Variants in PCDH19 observed in about 807,000 individuals in gnomAD.
The protein encoded by PCDH19 is protocadherin-19.
Under a neutral mutation model 46.2 loss-of-function variants are expected in PCDH19, and 6 were observed. The observed-to-expected ratio is 0.13, with a 90% CI of 0.07 to 0.26. The LOEUF is 0.26. Ranked by LOEUF, PCDH19 falls within the 10% of genes least tolerant of loss-of-function variation. The probability of loss-of-function intolerance (pLI) is 1.00; values close to 1 mark genes in which losing one functional copy is unlikely to be tolerated. For synonymous variants in PCDH19, 481 were observed against 415.7 expected (o/e 1.16, Z -1.91); for missense variants, 740 against 972.3 (o/e 0.76, Z 3.18).
chrX:100,377,468 T>C (rs747716818), intron 3 of PCDH19, among the ~76,000 whole-genome samples: 1 of 112,133 alleles, frequency 8.9e-6, no homozygotes, highest in East Asian at 2.8e-4. Context: ...CCCCAGTAGA[T>C]TGTAAACTCT....
chrX:100,357,669 C>T (rs1926755824), intron 3 of PCDH19, among the ~76,000 whole-genome samples: 1 of 112,124 alleles, frequency 8.9e-6, no homozygotes, highest in African/African-American at 3.2e-5. Context: ...TCCCTCATTT[C>T]TAATATATCT....
At chrX:100,387,045 ATC>A (rs1257166488) in intron 3 of PCDH19, among the ~76,000 whole-genome samples, 28 of 111,649 alleles carry the variant, frequency 2.5e-4, no homozygotes, top group African/African-American at 9.1e-4. Context: ...AGAGTGAAGC[ATC>A]TGTGTGAGTT....
intron 3 of PCDH19, among the ~76,000 whole-genome samples, chrX:100,376,962 CT>C (rs993920574): frequency 8.9e-6 from 1 of 112,343 alleles, no homozygotes. Flanking sequence ...CTTTGTATTA[CT>C]TTTGGTTCCC....
intron 3 of PCDH19, among the ~76,000 whole-genome samples, chrX:100,354,328 A>C (rs1269167666): frequency 1.8e-5 from 2 of 112,175 alleles, no homozygotes; most frequent in East Asian, 5.6e-4. Flanking sequence ...AGTGGTTCTC[A>C]GCCCTAACTA....
chrX:100,336,236 T>C (rs188778047), intron 5 of PCDH19, among the ~76,000 whole-genome samples: 13 of 112,161 alleles, frequency 1.2e-4, no homozygotes, highest in South Asian at 3.7e-4. Flanking sequence ...AAGAGACTAA[T>C]TGAAATGAGT....
chrX:100,310,532 T>C (rs977983679), intron 5 of PCDH19, among the ~76,000 whole-genome samples: 1 of 110,918 alleles, frequency 9.0e-6, no homozygotes, highest in Non-Finnish European at 1.9e-5. Context: ...TTATAAACCA[T>C]TTGAAAAAGC....
chrX:100,321,792 TTTTTTTTTTTTTTC>T (rs1303319872), intron 5 of PCDH19, among the ~76,000 whole-genome samples: 1 of 17,282 alleles, frequency 5.8e-5, no homozygotes, highest in Non-Finnish European at 1.8e-4. Flanking sequence ...TTTTTTTTTT[TTTTTTTTTTTTTTC>T]TGAGACAGAG....
rs1569315006 is a variant in PCDH19 at position 100,407,450 on chromosome X, C to T, written c.1148G>A (p.Arg383His). 4.1e-6 allele frequency: 5 copies of T among 1,212,079 alleles called. No individual in the cohort carries two copies. The highest frequency in any genetic ancestry group is 5.6e-6 in the Non-Finnish European group (5 of 895,651). The change falls in exon 1 of 6, where the codon CGT becomes CAT. Residue 383 changes from arginine to histidine, a missense_variant. Physicochemically the swap from Arg to His is conservative, Grantham distance 29. This residue lies in a region of PCDH19 where 186 missense variants were observed against 319.9 expected (regional missense o/e 0.58). Transcript: ENST00000373034. ...ATTGCCCAGCAAACGGCACTGCACA[C>T]GTCCATTGAGGCCTGAGTCGCGATC... ...VSDRDSGLNG[R>H]VQCRLLGNVP...
intron 5 of PCDH19, among the ~76,000 whole-genome samples, chrX:100,322,378 T>A (rs1925519835): frequency 9.0e-6 from 1 of 111,061 alleles, no homozygotes; most frequent in South Asian, 3.9e-4. Context: ...AGTTGGCTGT[T>A]AAGTATTTGG....
In PCDH19 at chrX:100,403,878, C is replaced by A. The variant is rs1479949194; in HGVS notation, c.2148-214G>T. 1.2e-4 allele frequency among the ~76,000 whole-genome samples: 13 copies of A among 112,452 alleles called. No individual in the cohort carries two copies. The Admixed American group carries it at 1.2e-3, about 11-fold the overall frequency. ...ATTCTCAAAGTCATTTATTACTTTG[C>A]ACATAATGATTCAGTTTCTTTTTTG... On this transcript the variant is annotated intron_variant, in intron 1 of 5. Transcript: ENST00000373034.
At chrX:100,333,246 A>G (rs1230787841) in intron 5 of PCDH19, among the ~76,000 whole-genome samples, 7 of 106,710 alleles carry the variant, frequency 6.6e-5, no homozygotes, top group African/African-American at 1.7e-4. Flanking sequence ...AGAAAGAAAG[A>G]AAGGGAAAGT....
chrX:100,343,133 G>A (rs942707469), intron 4 of PCDH19, among the ~76,000 whole-genome samples: 1 of 111,220 alleles, frequency 9.0e-6, no homozygotes, highest in African/African-American at 3.3e-5. Context: ...CGCCTTCAGC[G>A]CTCCTGGTTC....
chrX:100,408,673 G>C lies in PCDH19; in HGVS notation c.-76C>G. ...GACGCCGTCGGCGCTCCAGCTTCCC[G>C]CCGGCTCGGGCCGCCTGTTGCGCGC... On this transcript the variant is annotated 5_prime_UTR_variant, in exon 1 of 6. Transcript: ENST00000373034. 1.1e-6 allele frequency: 1 copy of C among 888,787 alleles called. No individual in the cohort carries two copies. The highest frequency in any genetic ancestry group is 1.6e-6 in the Non-Finnish European group (1 of 633,994). The allele number at this position is 888,787 out of a possible 1,213,427, so 73.2% of individuals were successfully genotyped here.
At chrX:100,359,060 C>A (rs763487870) in intron 3 of PCDH19, among the ~76,000 whole-genome samples, 30 of 111,852 alleles carry the variant, frequency 2.7e-4, no homozygotes, top group African/African-American at 8.1e-4. Flanking sequence ...ACTGTTATTT[C>A]CCCTTTAAAG....
Position 100,402,534 on chromosome X carries a change from G to A in PCDH19, c.2606C>T (p.Pro869Leu). The A allele has an allele frequency of 8.3e-7, 1 of 1,210,700 alleles. No homozygotes were observed. Among genetic ancestry groups the A allele is most frequent in the Non-Finnish European group, 1.1e-6 (1 of 894,324 alleles). ...CTTAGCTGCACTCACCTCAGGCAGA[G>A]GCACACCGTTGATAATCAGGTCAGG... ...QQPDLIINGV[P>L]LPETENYSFD... is the part of the protein sequence containing the mutation. The change falls in exon 3 of 6, where the codon CCT becomes CTT. Residue 869 changes from proline to leucine, a missense_variant. Pro to Leu is a moderately conservative substitution (Grantham distance 98). This residue lies in a region of PCDH19 where 416 missense variants were observed against 476.8 expected (regional missense o/e 0.87). Coordinates refer to ENST00000373034, the MANE Select transcript of PCDH19 (RefSeq NM_001184880.2).
At chrX:100,363,856 C>CATGTGTGTGCGTGT (rs57620335) in intron 3 of PCDH19, among the ~76,000 whole-genome samples, 2 of 88,992 alleles carry the variant, frequency 2.2e-5, no homozygotes, top group Admixed American at 2.7e-4. Flanking sequence ...AATGTGCGTG[C>CATGTGTGTGCGTGT]GTGTGTGTGT....
At chrX:100,356,562 T>C (rs1295896646) in intron 3 of PCDH19, among the ~76,000 whole-genome samples, 2 of 111,554 alleles carry the variant, frequency 1.8e-5, no homozygotes, top group Admixed American at 1.9e-4. Context: ...CCAGCTAGAA[T>C]GTATATTCAA....
At chrX:100,326,361 A>T (rs936654198) in intron 5 of PCDH19, among the ~76,000 whole-genome samples, 2 of 112,589 alleles carry the variant, frequency 1.8e-5, no homozygotes, top group Admixed American at 1.9e-4. Context: ...AGAAAAAAAG[A>T]ATAGAAGGGA....
At chrX:100,381,063 T>G (rs1319275472) in intron 3 of PCDH19, among the ~76,000 whole-genome samples, 1 of 112,290 alleles carries the variant, frequency 8.9e-6, no homozygotes, top group Non-Finnish European at 1.9e-5. Context: ...TTCTAAGCAA[T>G]CTTCTTTTTT....
Sources: allele counts gnomAD v4.1 joint callset (sites outside exome capture counted in the v4.1 genomes callset), GRCh38; gene constraint gnomAD v4.1.1; regional missense constraint gnomAD v4.1.1; transcripts MANE v1.5; gene names NCBI Gene and HGNC (gene_info 2026-07-23, HGNC 2026-07-21).